Variants in RPS6KC1 observed in about 807,000 individuals in gnomAD.
The protein encoded by RPS6KC1 is ribosomal protein S6 kinase C1.
In RPS6KC1, 54 loss-of-function variants were observed where a neutral mutation model predicts 103.8. The ratio of observed to expected loss-of-function variants is 0.52; its 90% confidence interval spans 0.42 to 0.65. RPS6KC1 has a LOEUF of 0.65. Ranked by LOEUF, RPS6KC1 falls within the 30% of genes least tolerant of loss-of-function variation. The pLI, the probability that RPS6KC1 is intolerant of heterozygous loss-of-function variation, is 0.00. For missense variants in RPS6KC1, 1,151 were observed against 1,253.8 expected (o/e 0.92, Z 1.24); for synonymous variants, 439 against 438.7 (o/e 1.00, Z -0.01).
At chr1:213,806,166 A>G in the RPS6KC1 span, among the ~76,000 whole-genome samples, 1 of 152,058 alleles carries the variant, frequency 6.6e-6, no homozygotes, top group Non-Finnish European at 1.5e-5. Context: ...CCCTGTCTCT[A>G]CTAAAAATAC....
chr1:213,309,797 A>T, the RPS6KC1 span, among the ~76,000 whole-genome samples: 55 of 151,814 alleles, frequency 3.6e-4, no homozygotes, highest in African/African-American at 1.3e-3. Flanking sequence ...CGATTCTCCC[A>T]CCTCAGCCTC....
chr1:213,667,928 G>C, the RPS6KC1 span, among the ~76,000 whole-genome samples: 1 of 152,178 alleles, frequency 6.6e-6, no homozygotes, highest in Non-Finnish European at 1.5e-5. Flanking sequence ...TTTACCACAA[G>C]ATTGCAGCAA....
chr1:213,813,115 G>A, the RPS6KC1 span, among the ~76,000 whole-genome samples: 1 of 151,952 alleles, frequency 6.6e-6, no homozygotes, highest in African/African-American at 2.4e-5. Flanking sequence ...GCTGGGTGTG[G>A]TGGCACGCAA....
chr1:213,353,254 A>G, the RPS6KC1 span, among the ~76,000 whole-genome samples: 2 of 152,216 alleles, frequency 1.3e-5, no homozygotes, highest in African/African-American at 2.4e-5. Flanking sequence ...ATGCCTCGGT[A>G]TGCTTCTCCA....
chr1:213,729,771 TA>T, the RPS6KC1 span, among the ~76,000 whole-genome samples: 2 of 152,130 alleles, frequency 1.3e-5, no homozygotes, highest in Admixed American at 6.6e-5. Context: ...AATGAATTGT[TA>T]TTTTTTTTTT....
chr1:213,743,883 C>G, the RPS6KC1 span, among the ~76,000 whole-genome samples: 11 of 152,148 alleles, frequency 7.2e-5, no homozygotes, highest in East Asian at 2.1e-3. Context: ...TTTGGTGTCC[C>G]CTGCAAACTA....
chr1:213,183,579 T>TA (rs35524743), intron 8 of RPS6KC1, among the ~76,000 whole-genome samples: 182 of 151,136 alleles, frequency 1.2e-3, no homozygotes, highest in African/African-American at 3.2e-3. Flanking sequence ...CAAAGGGTAT[T>TA]AAAAAAAAAT....
chr1:213,307,199 G>T, the RPS6KC1 span, among the ~76,000 whole-genome samples: 1 of 151,918 alleles, frequency 6.6e-6, no homozygotes, highest in East Asian at 1.9e-4. Flanking sequence ...GAGTAGCTGG[G>T]ACTACAGGTG....
At chr1:213,253,699 C>T (rs994978173) in intron 12 of RPS6KC1, among the ~76,000 whole-genome samples, 20 of 152,164 alleles carry the variant, frequency 1.3e-4, no homozygotes, top group Non-Finnish European at 1.3e-4. Context: ...AAGCATACAT[C>T]ATGATTTTAG....
the RPS6KC1 span, among the ~76,000 whole-genome samples, chr1:213,298,999 T>A: frequency 2.0e-5 from 3 of 152,194 alleles, no homozygotes; most frequent in Non-Finnish European, 4.4e-5. Context: ...TGGAATCACC[T>A]GAAGTCTTCT....
At chr1:213,645,772 T>G in the RPS6KC1 span, among the ~76,000 whole-genome samples, 1 of 152,230 alleles carries the variant, frequency 6.6e-6, no homozygotes, top group Admixed American at 6.5e-5. Context: ...TTTGATCAGT[T>G]TGGCTGGGCC....
chr1:213,081,198 AAC>A (rs2079847203), intron 3 of RPS6KC1, among the ~76,000 whole-genome samples: 6 of 152,296 alleles, frequency 3.9e-5, no homozygotes, highest in Admixed American at 3.9e-4. Flanking sequence ...GGGGCTGGGT[AAC>A]TTATAAAGAA....
chr1:213,730,764 C>T, the RPS6KC1 span, among the ~76,000 whole-genome samples: 1 of 152,138 alleles, frequency 6.6e-6, no homozygotes, highest in African/African-American at 2.4e-5. Flanking sequence ...TGTGCAGAAG[C>T]TTGTTAGTTT....
rs2082788602 is a variant in RPS6KC1, at chr1:213,109,319, A to G, written c.378+4750A>G. Among the ~76,000 whole-genome samples, 5 of 151,694 alleles carry G rather than the reference A, an allele frequency of 3.3e-5. No individual in the cohort carries two copies. In the South Asian group the frequency reaches 8.3e-4, roughly 25 times the overall value. ...GCCTGGCTAATTTTTTTGTATTTTT[A>G]GTAGAGACGGGGTTTCACCATGTTA... On this transcript the variant is annotated intron_variant, in intron 4 of 14. Coordinates refer to ENST00000366960, the MANE Select transcript of RPS6KC1 (RefSeq NM_012424.6).
intron 7 of RPS6KC1, among the ~76,000 whole-genome samples, chr1:213,170,576 C>T (rs1353653146): frequency 6.6e-6 from 1 of 152,188 alleles, no homozygotes; most frequent in African/African-American, 2.4e-5. Flanking sequence ...GAAATTCTAT[C>T]AGAAAGGATA....
the RPS6KC1 span, among the ~76,000 whole-genome samples, chr1:213,319,281 C>T: frequency 7.6e-6 from 1 of 131,232 alleles, no homozygotes; most frequent in Non-Finnish European, 1.5e-5. Flanking sequence ...CCACCTCACT[C>T]CAGCTTAGGT....
In RPS6KC1 at chr1:213,274,328, C is replaced by T. The variant is rs890983972; in HGVS notation, c.*1694C>T. 2 of 152,170 alleles carry T rather than the reference C, an allele frequency of 1.3e-5. No individual in the cohort carries two copies. Among genetic ancestry groups the T allele is most frequent in the Admixed American group, 6.5e-5 (1 of 15,276 alleles). The allele number at this position is 152,170 out of a possible 1,614,324, so 9.4% of individuals were successfully genotyped here. A position where few individuals can be genotyped will look rare whatever the true frequency, so the allele number is the denominator to read the frequency against. The stretch of plus-strand genomic sequence containing the variant: ...AAATCTGCAAGTACTTAGAGCTGGC[C>T]ATTACAGAACTTCCTTCCAGAAGTG... On this transcript the variant is annotated 3_prime_UTR_variant, in exon 15 of 15. Coordinates refer to ENST00000366960, the MANE Select transcript of RPS6KC1 (RefSeq NM_012424.6).
At chr1:213,518,363 G>A in the RPS6KC1 span, among the ~76,000 whole-genome samples, 2 of 152,202 alleles carry the variant, frequency 1.3e-5, no homozygotes, top group Non-Finnish European at 1.5e-5. Flanking sequence ...ATAAGAGACA[G>A]AAGGGAAGAC....
the RPS6KC1 span, among the ~76,000 whole-genome samples, chr1:213,652,977 C>G: frequency 6.6e-6 from 1 of 152,212 alleles, no homozygotes; most frequent in South Asian, 2.1e-4. Flanking sequence ...TACTGTATCC[C>G]TAGCGCCTAG....
Sources: allele counts gnomAD v4.1 joint callset (sites outside exome capture counted in the v4.1 genomes callset), GRCh38; gene constraint gnomAD v4.1.1; transcripts MANE v1.5; gene names NCBI Gene and HGNC (gene_info 2026-07-23, HGNC 2026-07-21).